LOXHD1: variants seen among roughly 807,000 people sequenced by gnomAD.
The protein encoded by LOXHD1 is lipoxygenase homology domain-containing protein 1.
LOXHD1 carries 205 observed loss-of-function variants against 248.2 expected under a neutral mutation model. That is an observed-to-expected ratio of 0.83 (90% CI 0.74 to 0.93). LOXHD1 has a LOEUF of 0.93. LOXHD1 is among the 40% of genes least tolerant of loss of function. The pLI is 0.00. For synonymous variants in LOXHD1, 1,113 were observed against 1,162.8 expected, an observed-to-expected ratio of 0.96 and a Z score of 0.87; for missense variants, 2,930 against 2,971.6, an observed-to-expected ratio of 0.99 and a Z score of 0.33.
intron 17 of LOXHD1, among the ~76,000 whole-genome samples, chr18:46,564,880 C>T (rs1400127530): frequency 2.0e-5 from 3 of 152,108 alleles, no homozygotes; most frequent in Admixed American, 1.3e-4. Flanking sequence ...GTTCTGGGAG[C>T]GGGAGAGGTG....
chr18:46,580,350 T>C (rs951726290), intron 12 of LOXHD1, among the ~76,000 whole-genome samples: 5 of 152,242 alleles, frequency 3.3e-5, no homozygotes, highest in African/African-American at 1.2e-4. Context: ...AAGAATTGTG[T>C]CTTCTCTTCA....
intron 2 of LOXHD1, among the ~76,000 whole-genome samples, chr18:46,648,624 C>G (rs539461409): frequency 6.6e-6 from 1 of 152,288 alleles, no homozygotes; most frequent in East Asian, 1.9e-4. Flanking sequence ...ACGGTCCCAA[C>G]TCTCACTAGT....
chr18:46,484,922 A>T, intron 39 of LOXHD1, 97 bp downstream of exon 39: 1 of 1,442,490 alleles, frequency 6.9e-7, no homozygotes, highest in Non-Finnish European at 9.4e-7. Flanking sequence ...GGTTAGGCCC[A>T]TTTGTGTACC....
Position 46,538,321 on chromosome 18 carries a change from G to A in LOXHD1, c.3930C>T (p.Ile1310=), listed in dbSNP as rs267605190. 1.9e-5 allele frequency: 29 copies of A among 1,549,694 alleles called. No individual in the cohort carries two copies. Among genetic ancestry groups the A allele is most frequent in the Non-Finnish European group, 2.4e-5 (28 of 1,145,336 alleles). The change falls in exon 26 of 41, where the codon ATC becomes ATT. Residue 1310 remains isoleucine (I), a synonymous_variant. Transcript: ENST00000642948. ...CAAAGACATCACTGGTGTAGAGGGT[G>A]ATCTCGTAAGGAACAACTGAGGGTG... ...RLYTPFVPYE[I]TLYTSDVFAA...
At chr18:46,648,173 G>A (rs771910434) in intron 2 of LOXHD1, among the ~76,000 whole-genome samples, 8 of 152,244 alleles carry the variant, frequency 5.3e-5, no homozygotes, top group Middle Eastern at 3.4e-3. Flanking sequence ...CAGGAGAATC[G>A]CTTGAACCTG....
chr18:46,649,312 A>T, intron 1 of LOXHD1, 43 bp from the exon 2 acceptor site: 1 of 1,510,450 alleles, frequency 6.6e-7, no homozygotes, highest in African/African-American at 1.4e-5. Context: ...CTCAGAAAAA[A>T]ACCGGAATCC....
At chr18:46,494,849 C>CTTTTTTTTTTTTTTTTT (rs58016824) in intron 37 of LOXHD1, among the ~76,000 whole-genome samples, 38 of 96,556 alleles carry the variant, frequency 3.9e-4, no homozygotes, top group Non-Finnish European at 7.0e-4. Flanking sequence ...TTCTCTCTCT[C>CTTTTTTTTTTTTTTTTT]TTTTTTTTTT....
In LOXHD1 at chr18:46,657,202, T is replaced by A. The variant is rs1416982602; in HGVS notation, c.-169A>T. 1 of 1,066,710 alleles carries A rather than the reference T, an allele frequency of 9.4e-7. No homozygotes were observed. Among genetic ancestry groups the A allele is most frequent in the Non-Finnish European group, 1.3e-6 (1 of 751,806 alleles). 66.1% of individuals were successfully genotyped at this position (1,066,710 alleles called of 1,614,324 possible). ...CTTGGCTTCCCCGTGCCCAAGGTGC[T>A]GTTCCCTCTGCCTTCTCTGGCTCCT... On this transcript the variant is annotated 5_prime_UTR_variant, in exon 1 of 41. Transcript: ENST00000642948.
chr18:46,542,875 A>T lies in LOXHD1; in HGVS notation c.3620-20T>A. Reference sequence around the variant, plus strand: ...TCATTCCTGTGGATCAGATGACCCCAGCATGACTGGCTGGACCTGAGGCCT... The same window carrying T: ...TCATTCCTGTGGATCAGATGACCCCTGCATGACTGGCTGGACCTGAGGCCT... On this transcript the variant is annotated intron_variant, in intron 23 of 40. Transcript: ENST00000642948. 6.4e-7 allele frequency: 1 copy of T among 1,551,752 alleles called. No homozygotes were observed. The highest frequency in any genetic ancestry group is 1.2e-5 in the South Asian group (1 of 84,066).
chr18:46,531,931 G>A (rs995585515), intron 28 of LOXHD1, among the ~76,000 whole-genome samples: 9 of 152,172 alleles, frequency 5.9e-5, no homozygotes, highest in Non-Finnish European at 1.0e-4. Flanking sequence ...GGCAACACTC[G>A]TTTTTATTTC....
chr18:46,549,432 G>A (rs1252690974), intron 21 of LOXHD1, among the ~76,000 whole-genome samples: 1 of 152,184 alleles, frequency 6.6e-6, no homozygotes, highest in Admixed American at 6.5e-5. Context: ...GCTAAAGTCT[G>A]GACAACATCA....
At chr18:46,560,674 C>G in intron 18 of LOXHD1, 129 bp from the exon 19 acceptor site, 1 of 860,916 alleles carries the variant, frequency 1.2e-6, no homozygotes, top group Non-Finnish European at 1.7e-6. Flanking sequence ...GGGCTGGGGC[C>G]TCTGTGCTCA....
At chr18:46,595,954 C>T (rs1198607558) in intron 8 of LOXHD1, among the ~76,000 whole-genome samples, 1 of 152,112 alleles carries the variant, frequency 6.6e-6, no homozygotes, top group African/African-American at 2.4e-5. Context: ...GTTCCCTGAA[C>T]ATGGTTCTAA....
intron 34 of LOXHD1, among the ~76,000 whole-genome samples, chr18:46,514,292 T>C (rs954958653): frequency 2.0e-5 from 3 of 152,138 alleles, no homozygotes; most frequent in Non-Finnish European, 4.4e-5. Flanking sequence ...AACTTTTCAA[T>C]TGCCTGACTC....
rs560884781 is a variant in LOXHD1, at chr18:46,493,442, A to T, written c.5879-4300T>A. Among the ~76,000 whole-genome samples the T allele has an allele frequency of 2.0e-5, 3 of 152,358 alleles. No individual in the cohort carries two copies. The South Asian group carries it at 6.2e-4, about 32-fold the overall frequency. On this transcript the variant is annotated intron_variant, in intron 37 of 40. Transcript: ENST00000642948. ...CCACTAGGTTGTAAGCCCCTTGAGA[A>T]CAGGAGCCTTTTGTAACCTATCCAC...
Position 46,538,244 on chromosome 18 carries a change from A to G in LOXHD1, c.4007T>C (p.Val1336Ala). 1 of 1,551,308 alleles carries G rather than the reference A, an allele frequency of 6.4e-7. No homozygotes were observed. Among genetic ancestry groups the G allele is most frequent in the Non-Finnish European group, 8.7e-7 (1 of 1,146,666 alleles). Residue 1336 changes from valine to alanine, a missense_variant, in exon 26 of 41, where the codon GTG (valine) becomes GCG (alanine). By Grantham distance (64) the Val-to-Ala change is moderately conservative (BLOSUM62 0). Coordinates refer to ENST00000642948, the MANE Select transcript of LOXHD1 (RefSeq NM_001384474.1). ...IFIIIYGCDAVCTQQKYLCTN... is the reference protein window; with the variant it reads ...IFIIIYGCDAACTQQKYLCTN... ...ACACAGATACTTCTGCTGGGTGCAC[A>G]CGGCATCGCAGCCATAGATGATGAT...
intron 20 of LOXHD1, 62 bp downstream of exon 20, chr18:46,559,386 G>A (rs1344540975): frequency 1.3e-6 from 2 of 1,550,946 alleles, no homozygotes; most frequent in African/African-American, 1.4e-5. Flanking sequence ...GGGCTGCCAT[G>A]GGAATCTCAG....
rs1323439894 is a variant in LOXHD1 at position 46,639,746 on chromosome 18, A to C, written c.381T>G (p.Ile127Met). The C allele has an allele frequency of 1.3e-6, 2 of 1,551,726 alleles. No homozygotes were observed. The highest frequency in any genetic ancestry group is 1.7e-6 in the Non-Finnish European group (2 of 1,147,004). The change falls in exon 4 of 41, where the codon ATT becomes ATG. Residue 127 changes from isoleucine to methionine, a missense_variant. Ile to Met is a conservative substitution (Grantham distance 10, BLOSUM62 1). Transcript: ENST00000642948. The stretch of plus-strand genomic sequence containing the variant: ...GATGAGGCCTCTTCATGTCGGTCAC[A>C]ATCACATGGTCCAGGTACCAGCTGG... The part of the protein sequence containing the change: ...LNASWYLDHV[I>M]VTDMKRPHLR...
chr18:46,483,922 C>A (rs1311444845), intron 39 of LOXHD1, among the ~76,000 whole-genome samples, 177 bp from the exon 40 acceptor site: 1 of 152,096 alleles, frequency 6.6e-6, no homozygotes, highest in East Asian at 1.9e-4. Context: ...GGGACCAAGA[C>A]AATCACGATG....
Sources: allele counts gnomAD v4.1 joint callset (sites outside exome capture counted in the v4.1 genomes callset), GRCh38; gene constraint gnomAD v4.1.1; transcripts MANE v1.5; gene names NCBI Gene and HGNC (gene_info 2026-07-23, HGNC 2026-07-21).